POU2F1: variants seen among roughly 807,000 people sequenced by gnomAD.
The protein encoded by POU2F1 is POU domain, class 2, transcription factor 1.
A neutral mutation model predicts 84.9 loss-of-function variants in POU2F1; 16 were observed. That is an observed-to-expected ratio of 0.19 (90% CI 0.13 to 0.29). The LOEUF (loss-of-function observed/expected upper bound fraction) is 0.29, where lower values mean the gene tolerates loss of function less well. Ranked by LOEUF, POU2F1 falls within the 10% of genes least tolerant of loss-of-function variation. The pLI is 1.00. For synonymous variants in POU2F1, 368 were observed against 368.3 expected, an observed-to-expected ratio of 1.00 and a Z score of 0.01; for missense variants, 738 against 942.6, an observed-to-expected ratio of 0.78 and a Z score of 2.84.
Position 167,401,613 on chromosome 1 carries a change from A to G in POU2F1, c.1555+57A>G, listed in dbSNP as rs563430868. On this transcript the variant is annotated intron_variant, in intron 13 of 15. Transcript: ENST00000367866. ...GCACATGGGAGGCCCGTTTTGGGTT[A>G]TTATAAGAGTCTACCATTAAATTGT... 1,330 of 1,132,994 alleles carry G rather than the reference A, an allele frequency of 1.2e-3. 3 individuals are homozygous for G. Among genetic ancestry groups the G allele is most frequent in the South Asian group, 2.7e-3 (165 of 61,036 alleles). 70.2% of individuals were successfully genotyped at this position (1,132,994 alleles called of 1,614,324 possible). A position where few individuals can be genotyped will look rare whatever the true frequency, so the allele number is the denominator to read the frequency against.
intron 1 of POU2F1, among the ~76,000 whole-genome samples, chr1:167,229,795 T>C (rs965846724): frequency 6.6e-6 from 1 of 152,184 alleles, no homozygotes; most frequent in Non-Finnish European, 1.5e-5. Flanking sequence ...CATTTTTTGG[T>C]GCAGCCAGCA....
intron 2 of POU2F1, among the ~76,000 whole-genome samples, chr1:167,352,007 C>A (rs1352339112): frequency 6.6e-6 from 1 of 152,186 alleles, no homozygotes; most frequent in Admixed American, 6.5e-5. Flanking sequence ...GGGCAGAATT[C>A]AAACAGCAGA....
In POU2F1 at chr1:167,381,672, G is replaced by T. The variant is rs886129828; in HGVS notation, c.719-2185G>T. ...TTCACCCAGGCTGGAGTACAGTGGC[G>T]CAGTCTTGTCTTAACACAACCTCTG... is the stretch of plus-strand genomic sequence containing the variant. On this transcript the variant is annotated intron_variant, in intron 7 of 15. Coordinates refer to ENST00000367866, the MANE Select transcript of POU2F1 (RefSeq NM_002697.4). Among the ~76,000 whole-genome samples, 3 of 134,052 alleles carry T rather than the reference G, an allele frequency of 2.2e-5. No individual in the cohort carries two copies. The South Asian group carries it at 7.2e-4, about 32-fold the overall frequency. The allele number at this position is 134,052 out of a possible 152,430, so 87.9% of individuals were successfully genotyped here. A position where few individuals can be genotyped will look rare whatever the true frequency, so the allele number is the denominator to read the frequency against.
chr1:167,225,956 T>C (rs1571115350), intron 1 of POU2F1, among the ~76,000 whole-genome samples: 1 of 152,240 alleles, frequency 6.6e-6, no homozygotes, highest in East Asian at 1.9e-4. Context: ...ACACAGTTTT[T>C]GTGATTAGTA....
intron 1 of POU2F1, chr1:167,257,991 C>A (rs968676623): frequency 1.3e-5 from 2 of 151,604 alleles, no homozygotes; most frequent in Admixed American, 1.3e-4. Context: ...CACTATGTTT[C>A]CAGGCTAGAG....
chr1:167,287,235 T>C (rs890282193), intron 1 of POU2F1, among the ~76,000 whole-genome samples: 2 of 152,218 alleles, frequency 1.3e-5, no homozygotes, highest in African/African-American at 4.8e-5. Context: ...CATAACTCTT[T>C]TAAAATACAG....
intron 2 of POU2F1, among the ~76,000 whole-genome samples, chr1:167,341,112 G>T (rs1657819863): frequency 6.6e-6 from 1 of 152,094 alleles, no homozygotes; most frequent in Admixed American, 6.5e-5. Flanking sequence ...TTTCCATTAT[G>T]TCATCTGATT....
intron 1 of POU2F1, among the ~76,000 whole-genome samples, chr1:167,325,255 G>A (rs1466407640): frequency 6.6e-6 from 1 of 152,166 alleles, no homozygotes; most frequent in Non-Finnish European, 1.5e-5. Flanking sequence ...GTGTACTGTT[G>A]AGATTGGCTG....
chr1:167,328,332 C>T (rs1365264208), intron 1 of POU2F1, among the ~76,000 whole-genome samples: 1 of 152,166 alleles, frequency 6.6e-6, no homozygotes, highest in Non-Finnish European at 1.5e-5. Flanking sequence ...CCTTGCACTG[C>T]TTCTGGGTTT....
At chr1:167,266,336 G>T (rs914482816) in intron 1 of POU2F1, among the ~76,000 whole-genome samples, 1 of 152,180 alleles carries the variant, frequency 6.6e-6, no homozygotes, top group Non-Finnish European at 1.5e-5. Flanking sequence ...ATTGTGATGG[G>T]TGTAATCAGG....
intron 1 of POU2F1, among the ~76,000 whole-genome samples, chr1:167,299,711 T>C (rs991325585): frequency 1.3e-5 from 2 of 152,122 alleles, no homozygotes; most frequent in African/African-American, 4.8e-5. Flanking sequence ...TTTTTTTCAT[T>C]TTATTTTGCT....
intron 7 of POU2F1, among the ~76,000 whole-genome samples, chr1:167,381,608 T>C (rs1047398668): frequency 2.7e-4 from 39 of 142,600 alleles, no homozygotes; most frequent in Non-Finnish European, 5.5e-4. Context: ...CTTCTCTTTT[T>C]TTTTTTTTTT....
At chr1:167,355,012 GTAGT>G (rs1658842680) in intron 2 of POU2F1, among the ~76,000 whole-genome samples, 1 of 151,952 alleles carries the variant, frequency 6.6e-6, no homozygotes, top group Non-Finnish European at 1.5e-5. Context: ...TAATTTTAAA[GTAGT>G]TAAATTTATG....
At chr1:167,233,582 G>C (rs1649229694) in intron 1 of POU2F1, among the ~76,000 whole-genome samples, 1 of 152,110 alleles carries the variant, frequency 6.6e-6, no homozygotes, top group South Asian at 2.1e-4. Context: ...ATACCATTTG[G>C]GTTTGTGTAA....
chr1:167,288,653 C>T (rs1412230812), intron 1 of POU2F1, among the ~76,000 whole-genome samples: 1 of 152,136 alleles, frequency 6.6e-6, no homozygotes, highest in Admixed American at 6.5e-5. Flanking sequence ...GGCCACTGCA[C>T]TCCAGCCTGG....
chr1:167,411,945 G>T lies in POU2F1; in HGVS notation c.1556-14G>T. On this transcript the variant is annotated splice_polypyrimidine_tract_variant and intron_variant, in intron 13 of 15. Coordinates refer to ENST00000367866, the MANE Select transcript of POU2F1 (RefSeq NM_002697.4). ...TTTACAAAAGGTCATCTTCTAATCTGTTTGTCTTTTCAGGCACTTCAGACA... is the reference window on the plus strand; with the variant it reads ...TTTACAAAAGGTCATCTTCTAATCTTTTTGTCTTTTCAGGCACTTCAGACA... 1 of 1,601,700 alleles carries T rather than the reference G, an allele frequency of 6.2e-7. No individual in the cohort carries two copies. The highest frequency in any genetic ancestry group is 1.1e-5 in the South Asian group (1 of 89,464).
At chr1:167,282,038 C>G (rs1187546513) in intron 1 of POU2F1, among the ~76,000 whole-genome samples, 2 of 152,116 alleles carry the variant, frequency 1.3e-5, no homozygotes, top group African/African-American at 4.8e-5. Context: ...AATTCTAGCT[C>G]CTACTCTTGC....
chr1:167,325,449 A>C (rs893524338), intron 1 of POU2F1, among the ~76,000 whole-genome samples: 9 of 152,198 alleles, frequency 5.9e-5, no homozygotes, highest in African/African-American at 1.4e-4. Flanking sequence ...TGATTTAGTA[A>C]GGTAGAATAT....
intron 1 of POU2F1, among the ~76,000 whole-genome samples, chr1:167,324,003 A>G (rs1260912763): frequency 6.6e-6 from 1 of 152,058 alleles, no homozygotes; most frequent in African/African-American, 2.4e-5. Context: ...TAATTACACA[A>G]TTTAAATAAC....
Sources: allele counts gnomAD v4.1 joint callset (sites outside exome capture counted in the v4.1 genomes callset), GRCh38; gene constraint gnomAD v4.1.1; transcripts MANE v1.5; gene names NCBI Gene and HGNC (gene_info 2026-07-23, HGNC 2026-07-21).